EVPLL: variants seen among roughly 807,000 people sequenced by gnomAD.
The protein encoded by EVPLL is envoplakin like.
Under a neutral mutation model 46.2 loss-of-function variants are expected in EVPLL, and 39 were observed. The observed-to-expected ratio is 0.84, with a 90% confidence interval of 0.65 to 1.10. The LOEUF (loss-of-function observed/expected upper bound fraction) is 1.10, where lower values mean the gene tolerates loss of function less well. EVPLL is among the 50% of genes least tolerant of loss of function. The pLI, the probability that EVPLL is intolerant of heterozygous loss-of-function variation, is 0.00. For synonymous variants in EVPLL, 156 were observed against 165.8 expected (o/e 0.94, Z 0.46); for missense variants, 385 against 412.6 (o/e 0.93, Z 0.58).
intron 1 of EVPLL, among the ~76,000 whole-genome samples, chr17:18,378,814 A>G (rs901891244): frequency 6.8e-6 from 1 of 147,776 alleles, no homozygotes; most frequent in Non-Finnish European, 1.5e-5. Context: ...GCAATACCTC[A>G]TGCCTGCAAT....
At chr17:18,380,038 G>C (rs1005116667) in intron 1 of EVPLL, 2 of 152,270 alleles carry the variant, frequency 1.3e-5, no homozygotes, top group African/African-American at 4.8e-5. Flanking sequence ...CCGTTGCCTG[G>C]GGGGGCCCAT....
Position 18,381,371 on chromosome 17 carries a change from G to A in EVPLL, c.68G>A (p.Arg23Gln), listed in dbSNP as rs745411632. The A allele has an allele frequency of 1.1e-4, 175 of 1,563,100 alleles. No individual in the cohort carries two copies. Among genetic ancestry groups the A allele is most frequent in the Non-Finnish European group, 9.9e-5 (114 of 1,154,338 alleles). ...CTGCCCATCCCCTGCCCACAGGACC[G>A]GCTGAACAGTGAGCAGAGCCAGGCC... is the stretch of plus-strand genomic sequence containing the variant. Reference protein sequence around the residue: ...LETQKRLQQDRLNSEQSQALQ... With the variant: ...LETQKRLQQDQLNSEQSQALQ... The change falls in exon 3 of 11, where the codon CGG becomes CAG. Residue 23 changes from arginine to glutamine, a missense_variant. Physicochemically the swap from Arg to Gln is conservative, Grantham distance 43. Transcript: ENST00000399134. The surrounding 1 kb of genome is among the most constrained non-coding windows in gnomAD (Gnocchi z 4.2).
chr17:18,381,935 C>A lies in EVPLL; in HGVS notation c.346+205C>A. On this transcript the variant is annotated intron_variant, in intron 4 of 10. Coordinates refer to ENST00000399134, the MANE Select transcript of EVPLL (RefSeq NM_001145127.2). The surrounding 1 kb of genome is among the most constrained non-coding windows in gnomAD (Gnocchi z 4.2). ...AAGAGACCTCAGAGGGGTGAGAGGGCTCGGTTGGGTCAGGGTGAAGTAGTG... is the reference window on the plus strand; with the variant it reads ...AAGAGACCTCAGAGGGGTGAGAGGGATCGGTTGGGTCAGGGTGAAGTAGTG... The A allele has an allele frequency of 1.3e-6, 1 of 777,442 alleles. No individual in the cohort carries two copies. Among genetic ancestry groups the A allele is most frequent in the Non-Finnish European group, 2.0e-6 (1 of 495,218 alleles). 48.2% of individuals were successfully genotyped at this position (777,442 alleles called of 1,614,324 possible). A position where few individuals can be genotyped will look rare whatever the true frequency, so the allele number is the denominator to read the frequency against.
intron 9 of EVPLL, among the ~76,000 whole-genome samples, chr17:18,384,412 G>A (rs1332551479): frequency 6.6e-6 from 1 of 151,668 alleles, no homozygotes; most frequent in African/African-American, 2.4e-5. Context: ...CTCCCGCCTG[G>A]GTGACAGACT....
At position 18,381,484 on chromosome 17, in the gene EVPLL, C is replaced by A. The variant is rs773584740; in HGVS notation, c.181C>A (p.Arg61=). The change falls in exon 3 of 11, where the codon CGG becomes AGG. Residue 61 remains arginine (R), a synonymous_variant. Transcript: ENST00000399134. This position sits in a 1 kb window ranked among gnomAD's most constrained non-coding sequence, Gnocchi z 4.2. ...DLFLDVDKAR[R]LKHPQAEETE... The stretch of plus-strand genomic sequence containing the variant: ...CTTCCTGGACGTGGACAAGGCCCGG[C>A]GGCTCAAGCACCCGCAGGCTGAGGA... 9.9e-6 allele frequency: 16 copies of A among 1,613,742 alleles called. No individual in the cohort carries two copies. The Admixed American group carries it at 2.3e-4, about 24-fold the overall frequency.
At chr17:18,387,043 C>A (rs1250192928) in intron 9 of EVPLL, among the ~76,000 whole-genome samples, 2 of 146,260 alleles carry the variant, frequency 1.4e-5, no homozygotes, top group African/African-American at 5.2e-5. Context: ...TACAGGTGCC[C>A]GCCACCACGC....
chr17:18,379,521 G>C (rs1406205746), intron 1 of EVPLL, among the ~76,000 whole-genome samples: 2 of 152,184 alleles, frequency 1.3e-5, no homozygotes, highest in Non-Finnish European at 2.9e-5. Context: ...CTGAGCAGGA[G>C]TGCCCAGGGC....
intron 1 of EVPLL, chr17:18,380,444 G>A (rs1012437247): frequency 6.2e-6 from 1 of 162,030 alleles, no homozygotes; most frequent in Admixed American, 5.9e-5. Flanking sequence ...TGGGGTGGAG[G>A]AGGTATAGGG....
rs1286412862 is a variant in EVPLL, at chr17:18,381,154, GGA to G, written c.63+160_63+161del. The G allele has an allele frequency of 1.7e-6, 2 of 1,186,510 alleles. No individual in the cohort carries two copies. Among genetic ancestry groups the G allele is most frequent in the Non-Finnish European group, 2.4e-6 (2 of 845,958 alleles). The allele number at this position is 1,186,510 out of a possible 1,614,324, so 73.5% of individuals were successfully genotyped here. On this transcript the variant is annotated intron_variant, in intron 2 of 10. Transcript: ENST00000399134. This position sits in a 1 kb window ranked among gnomAD's most constrained non-coding sequence, Gnocchi z 4.2. ...ACCGCCTGTCCCCTAACACACGGTG[GGA>G]GAGAGGGCTCAACTTCCTTCTTTGC... is the stretch of plus-strand genomic sequence containing the variant.
chr17:18,379,161 C>T (rs1012741784), intron 1 of EVPLL, among the ~76,000 whole-genome samples: 2 of 152,152 alleles, frequency 1.3e-5, no homozygotes, highest in Non-Finnish European at 2.9e-5. Context: ...TTGGACCACC[C>T]GGTTCTCTGG....
At position 18,380,933 on chromosome 17, in the gene EVPLL, C is replaced by G. The variant is rs765419113; in HGVS notation, c.-5C>G. The stretch of plus-strand genomic sequence containing the variant: ...ACCCAGGAGCTGACCCTGCTCATCT[C>G]CCACATGCAAGCCAGCGCCGACCAG... On this transcript the variant is annotated 5_prime_UTR_variant, in exon 2 of 11. Coordinates refer to ENST00000399134, the MANE Select transcript of EVPLL (RefSeq NM_001145127.2). 1 of 1,588,448 alleles carries G rather than the reference C, an allele frequency of 6.3e-7. No individual in the cohort carries two copies. Among genetic ancestry groups the G allele is most frequent in the East Asian group, 2.3e-5 (1 of 42,802 alleles).
rs759738722 is a variant in EVPLL at position 18,381,514 on chromosome 17, GAGA to G, written c.214_216del (p.Lys72del). The G allele has an allele frequency of 8.7e-6, 14 of 1,613,864 alleles. No homozygotes were observed. Among genetic ancestry groups the G allele is most frequent in the South Asian group, 1.1e-5 (1 of 91,056 alleles). The stretch of plus-strand genomic sequence containing the variant: ...CAAGCACCCGCAGGCTGAGGAGACT[GAGA>G]AGGAGTGAGTGGGGCTGCGGCAGGG... On this transcript the variant is annotated inframe_deletion, in exon 3 of 11. Coordinates refer to ENST00000399134, the MANE Select transcript of EVPLL (RefSeq NM_001145127.2). This position sits in a 1 kb window ranked among gnomAD's most constrained non-coding sequence, Gnocchi z 4.2.
chr17:18,381,157 G>C lies in EVPLL; in HGVS notation c.63+157G>C. 2 of 1,194,144 alleles carry C rather than the reference G, an allele frequency of 1.7e-6. No individual in the cohort carries two copies. Among genetic ancestry groups the C allele is most frequent in the Non-Finnish European group, 2.3e-6 (2 of 853,664 alleles). The allele number at this position is 1,194,144 out of a possible 1,614,324, so 74.0% of individuals were successfully genotyped here. ...GCCTGTCCCCTAACACACGGTGGGAGAGAGGGCTCAACTTCCTTCTTTGCT... is the reference window on the plus strand; with the variant it reads ...GCCTGTCCCCTAACACACGGTGGGACAGAGGGCTCAACTTCCTTCTTTGCT... On this transcript the variant is annotated intron_variant, in intron 2 of 10. Transcript: ENST00000399134. The surrounding 1 kb of genome is among the most constrained non-coding windows in gnomAD (Gnocchi z 4.2).
Position 18,383,059 on chromosome 17 carries a change from G to T in EVPLL, c.546G>T (p.Gln182His). The T allele has an allele frequency of 6.4e-7, 1 of 1,559,946 alleles. No individual in the cohort carries two copies. Among genetic ancestry groups the T allele is most frequent in the Non-Finnish European group, 8.6e-7 (1 of 1,159,534 alleles). The change falls in exon 7 of 11, where the codon CAG (glutamine) becomes CAT (histidine). Residue 182 changes from glutamine to histidine, a missense_variant. By Grantham distance (24) the Gln-to-His change is conservative. Coordinates refer to ENST00000399134, the MANE Select transcript of EVPLL (RefSeq NM_001145127.2). ...TCGTGGCGCGGGCAGAGCCTGGGCA[G>T]CCTGTACACGCACTGCAGGGCTGCA... ...GGVVARAEPG[Q>H]PVHALQGCTW... is the part of the protein sequence containing the mutation.
At chr17:18,388,049 T>TATATATGTATATATATATAC (rs1269496283) in intron 9 of EVPLL, 170 bp from the exon 10 acceptor site, 1 of 199,056 alleles carries the variant, frequency 5.0e-6, no homozygotes, top group Non-Finnish European at 1.1e-5. Flanking sequence ...TATACATATA[T>TATATATGTATATATATATAC]ATGTATATAT....
In EVPLL at chr17:18,381,543, C is replaced by T. The variant is rs758140446; in HGVS notation, c.218+22C>T. ...AGGAGTGAGTGGGGCTGCGGCAGGG[C>T]TGGGGGTCCCTGGGGAAGACCCAGG... On this transcript the variant is annotated intron_variant, in intron 3 of 10. Coordinates refer to ENST00000399134, the MANE Select transcript of EVPLL (RefSeq NM_001145127.2). This position sits in a 1 kb window ranked among gnomAD's most constrained non-coding sequence, Gnocchi z 4.2. The T allele has an allele frequency of 1.9e-6, 3 of 1,613,072 alleles. No homozygotes were observed. The highest frequency in any genetic ancestry group is 2.5e-6 in the Non-Finnish European group (3 of 1,179,516).
intron 4 of EVPLL, 96 bp from the exon 5 acceptor site, chr17:18,382,417 A>C: frequency 6.6e-7 from 1 of 1,511,022 alleles, no homozygotes; most frequent in Admixed American, 2.0e-5. Flanking sequence ...CGCTCTGCCC[A>C]AATGACCAAG....
intron 9 of EVPLL, chr17:18,387,776 G>A (rs1598101193): frequency 2.0e-5 from 3 of 152,294 alleles, no homozygotes; most frequent in Non-Finnish European, 4.4e-5. Context: ...CTGAGAGGCC[G>A]AGGCTGGAGG....
intron 1 of EVPLL, among the ~76,000 whole-genome samples, chr17:18,379,306 T>C (rs1358844034): frequency 6.6e-6 from 1 of 152,200 alleles, no homozygotes; most frequent in Non-Finnish European, 1.5e-5. Flanking sequence ...AAAGCTGGTG[T>C]GGGAGTGGGG....
Sources: gnomAD v4.1 joint callset for allele counts (sites outside exome capture counted in the v4.1 genomes callset) on GRCh38, gnomAD v4.1.1 for gene constraint, Gnocchi (gnomAD v3.1) non-coding constraint, MANE v1.5 for transcripts, NCBI Gene and HGNC (gene_info 2026-07-23, HGNC 2026-07-21) for gene names.